The following INTS4 variants were observed in gnomAD, a reference collection of about 807,000 sequenced individuals.
INTS4 encodes integrator complex subunit 4.
A neutral mutation model predicts 119.5 loss-of-function variants in INTS4; 70 were observed. That is an observed-to-expected ratio of 0.59 (90% CI 0.48 to 0.71). INTS4 has a LOEUF of 0.71. Among genes scored for constraint, INTS4 ranks in the 30% least tolerant of loss-of-function variants. The pLI is 0.00. For synonymous variants in INTS4, 316 were observed against 419.6 expected, an observed-to-expected ratio of 0.75 and a Z score of 3.02; for missense variants, 867 against 1,173.2, an observed-to-expected ratio of 0.74 and a Z score of 3.81.
intron 22 of INTS4, among the ~76,000 whole-genome samples, chr11:77,879,611 A>C (rs1951715184): frequency 6.6e-6 from 1 of 152,182 alleles, no homozygotes; most frequent in Non-Finnish European, 1.5e-5. Context: ...TTTCTGGCCA[A>C]TGAACAGGAA....
At chr11:77,919,271 G>A (rs1293517320) in intron 14 of INTS4, among the ~76,000 whole-genome samples, 2 of 148,460 alleles carry the variant, frequency 1.3e-5, no homozygotes, top group South Asian at 4.2e-4. Flanking sequence ...ACCCTAGGAA[G>A]GAGACTAAAA....
intron 8 of INTS4, among the ~76,000 whole-genome samples, chr11:77,944,031 G>A (rs1258521245): frequency 6.6e-6 from 1 of 152,192 alleles, no homozygotes; most frequent in Non-Finnish European, 1.5e-5. Flanking sequence ...TATAAAAGTA[G>A]TGACTGTATT....
intron 8 of INTS4, among the ~76,000 whole-genome samples, chr11:77,941,838 G>C (rs2136529636): frequency 6.6e-6 from 1 of 152,104 alleles, no homozygotes; most frequent in Admixed American, 6.6e-5. Context: ...AAGGGCTTTA[G>C]ACGTATATTA....
chr11:77,981,570 C>A lies in INTS4; in HGVS notation c.253G>T (p.Asp85Tyr). The change falls in exon 3 of 23, where the codon GAT becomes TAT. Residue 85 changes from aspartate to tyrosine, a missense_variant. Transcript: ENST00000534064. ...GCAATTTTCAGTCTCACAGATGGAT[C>A]ATTCTCCTGGAAAAAAAGAAGCAAT... ...ILLEHYYKEN[D>Y]PSVRLKIASL... 1 of 1,541,298 alleles carries A rather than the reference C, an allele frequency of 6.5e-7. No homozygotes were observed. The highest frequency in any genetic ancestry group is 8.8e-7 in the Non-Finnish European group (1 of 1,134,250).
intron 8 of INTS4, among the ~76,000 whole-genome samples, chr11:77,951,357 C>T (rs891323584): frequency 9.9e-5 from 15 of 151,970 alleles, no homozygotes; most frequent in Non-Finnish European, 1.8e-4. Flanking sequence ...GAAATAATGC[C>T]GCATATCTAC....
At chr11:77,957,011 C>T (rs955959928) in intron 7 of INTS4, among the ~76,000 whole-genome samples, 9 of 152,016 alleles carry the variant, frequency 5.9e-5, no homozygotes, top group Non-Finnish European at 1.2e-4. Flanking sequence ...CACTGCTCAC[C>T]ACAGTGTCAA....
At chr11:77,922,177 G>C (rs1217662114) in intron 13 of INTS4, among the ~76,000 whole-genome samples, 179 bp downstream of exon 13, 4 of 149,654 alleles carry the variant, frequency 2.7e-5, no homozygotes, top group Non-Finnish European at 5.9e-5. Flanking sequence ...TCAGTGAGCC[G>C]AGATCAGGCC....
rs547126041 is a variant in INTS4 at position 77,904,822 on chromosome 11, G to A, written c.2017-1202C>T. ...GTGATTAGCGTGTTTTGGGTTGTAT[G>A]CAGGATAGTTGCATCATGTTAGTTG... On this transcript the variant is annotated intron_variant, in intron 16 of 22. Transcript: ENST00000534064. Among the ~76,000 whole-genome samples the A allele has an allele frequency of 3.3e-5, 5 of 152,298 alleles. No individual in the cohort carries two copies. In the East Asian group the frequency reaches 9.6e-4, roughly 29 times the overall value.
At chr11:77,885,296 C>T (rs976438322) in intron 21 of INTS4, among the ~76,000 whole-genome samples, 1 of 151,888 alleles carries the variant, frequency 6.6e-6, no homozygotes, top group African/African-American at 2.4e-5. Context: ...AGGTTGGTCT[C>T]GAACTCCTGA....
chr11:77,956,766 T>G (rs1249108268), intron 7 of INTS4, among the ~76,000 whole-genome samples: 1 of 143,480 alleles, frequency 7.0e-6, no homozygotes, highest in Non-Finnish European at 1.5e-5. Context: ...AATAAACAAA[T>G]AAATACATAA....
intron 8 of INTS4, among the ~76,000 whole-genome samples, chr11:77,945,243 A>G (rs1271514383): frequency 1.3e-5 from 2 of 152,204 alleles, no homozygotes; most frequent in African/African-American, 2.4e-5. Flanking sequence ...GGCACCAGCA[A>G]TTCTTGATAA....
intron 18 of INTS4, among the ~76,000 whole-genome samples, chr11:77,899,263 T>C (rs1356557451): frequency 7.0e-6 from 1 of 143,868 alleles, no homozygotes; most frequent in African/African-American, 2.6e-5. Context: ...CTACTGCCTC[T>C]CACTTGAAGA....
In INTS4 at chr11:77,903,567, A is replaced by C. The variant is rs1952844936; in HGVS notation, c.2070T>G (p.Ser690Arg). 6.2e-7 allele frequency: 1 copy of C among 1,613,644 alleles called. No individual in the cohort carries two copies. Among genetic ancestry groups the C allele is most frequent in the Non-Finnish European group, 8.5e-7 (1 of 1,179,840 alleles). ...NVAAPLYLKQ[S>R]DLASAAAKQI... ...GTTTCGCTGCTGCTGAGGCCAAATCACTCTGCTTCAAATACAAAGGGGCAG... is the reference window on the plus strand; with the variant it reads ...GTTTCGCTGCTGCTGAGGCCAAATCCCTCTGCTTCAAATACAAAGGGGCAG... The change falls in exon 17 of 23, where the codon AGT (serine) becomes AGG (arginine). Residue 690 changes from serine (S) to arginine (R), a missense_variant. Physicochemically the swap from Ser to Arg is moderately radical, Grantham distance 110. Coordinates refer to ENST00000534064, the MANE Select transcript of INTS4 (RefSeq NM_033547.4).
intron 4 of INTS4, among the ~76,000 whole-genome samples, chr11:77,977,052 T>C (rs1441842462): frequency 6.6e-6 from 1 of 151,878 alleles, no homozygotes; most frequent in Admixed American, 6.6e-5. Flanking sequence ...GTTGTGCACA[T>C]GTACCCTAAA....
intron 22 of INTS4, among the ~76,000 whole-genome samples, chr11:77,879,430 T>C (rs981497832): frequency 6.6e-6 from 1 of 152,220 alleles, no homozygotes; most frequent in African/African-American, 2.4e-5. Flanking sequence ...TGGGCTCAAA[T>C]TCTTATGCAG....
intron 2 of INTS4, among the ~76,000 whole-genome samples, chr11:77,988,575 G>A (rs1251211034): frequency 1.3e-5 from 2 of 152,204 alleles, no homozygotes; most frequent in Non-Finnish European, 2.9e-5. Flanking sequence ...ACTAGGAAGT[G>A]CGGGGTGGGG....
intron 2 of INTS4, among the ~76,000 whole-genome samples, chr11:77,986,549 G>A (rs1308656806): frequency 6.6e-6 from 1 of 152,154 alleles, no homozygotes; most frequent in Non-Finnish European, 1.5e-5. Flanking sequence ...TATGTTTATT[G>A]CGGCACTATT....
At chr11:77,909,785 T>C (rs1953047086) in intron 15 of INTS4, among the ~76,000 whole-genome samples, 1 of 152,250 alleles carries the variant, frequency 6.6e-6, no homozygotes, top group East Asian at 1.9e-4. Context: ...GCTAGAATTA[T>C]TGGTGATTTA....
intron 19 of INTS4, among the ~76,000 whole-genome samples, chr11:77,892,322 G>A (rs1453207815): frequency 6.6e-6 from 1 of 152,130 alleles, no homozygotes; most frequent in African/African-American, 2.4e-5. Flanking sequence ...GAAAAGTTAA[G>A]TACGTTACTC....
Sources: gnomAD v4.1 joint callset for allele counts (sites outside exome capture counted in the v4.1 genomes callset) on GRCh38, gnomAD v4.1.1 for gene constraint, MANE v1.5 for transcripts, NCBI Gene and HGNC (gene_info 2026-07-23, HGNC 2026-07-21) for gene names.